ZDHHC13: variants seen among roughly 807,000 people sequenced by gnomAD.
The protein encoded by ZDHHC13 is palmitoyltransferase ZDHHC13.
ZDHHC13 carries 85 observed loss-of-function variants against 86.0 expected under a neutral mutation model. That is an observed-to-expected ratio of 0.99 (90% CI 0.83 to 1.18). The LOEUF (loss-of-function observed/expected upper bound fraction) is 1.18. ZDHHC13 is among the 50% of genes most tolerant of loss of function. ZDHHC13 has a pLI of 0.00. For missense variants in ZDHHC13, 711 were observed against 730.2 expected, an observed-to-expected ratio of 0.97 and a Z score of 0.30; for synonymous variants, 263 against 246.4, an observed-to-expected ratio of 1.07 and a Z score of -0.63.
intron 1 of ZDHHC13, among the ~76,000 whole-genome samples, chr11:19,137,303 A>T (rs1404332494): frequency 1.3e-5 from 2 of 152,130 alleles, no homozygotes; most frequent in African/African-American, 4.8e-5. Flanking sequence ...ACCAACAAAG[A>T]TCAAAAGAGA....
At chr11:19,122,994 AAAGTT>A (rs1848788859) in intron 1 of ZDHHC13, among the ~76,000 whole-genome samples, 2 of 152,176 alleles carry the variant, frequency 1.3e-5, no homozygotes, top group African/African-American at 4.8e-5. Flanking sequence ...CTAGTTTCTT[AAAGTT>A]GCCATTTAAT....
chr11:19,118,805 C>A (rs11025025), intron 1 of ZDHHC13: 96,124 of 152,116 alleles, frequency 0.63, 31,648 homozygotes, highest in Admixed American at 0.75. Flanking sequence ...CTATAATCCT[C>A]TGAGGTGGGG....
At chr11:19,172,575 C>T in intron 15 of ZDHHC13, 148 bp from the exon 16 acceptor site, 1 of 534,026 alleles carries the variant, frequency 1.9e-6, no homozygotes, top group Non-Finnish European at 3.2e-6. Context: ...TTCTTTACTT[C>T]TGATTAACTT....
intron 10 of ZDHHC13, among the ~76,000 whole-genome samples, chr11:19,159,939 T>TGTA (rs1274725409): frequency 6.6e-6 from 1 of 151,962 alleles, no homozygotes; most frequent in Non-Finnish European, 1.5e-5. Context: ...GCTTTGCTTA[T>TGTA]GGAGTAGGAG....
At position 19,143,074 on chromosome 11, in the gene ZDHHC13, C is replaced by T. The variant is rs1016166455; in HGVS notation, c.124C>T (p.Leu42Phe). ...AGAACTTGCCAATGCAAGAGAAGCT[C>T]TTCCTCTTATAGAGGACTCTAGTAA... ...NKELANAREA[L>F]PLIEDSSNCD... Residue 42 changes from leucine to phenylalanine, a missense_variant, in exon 2 of 17, where the codon CTT becomes TTT. By Grantham distance (22) the Leu-to-Phe change is conservative (BLOSUM62 0). Coordinates refer to ENST00000446113, the MANE Select transcript of ZDHHC13 (RefSeq NM_019028.3). 6.2e-7 allele frequency: 1 copy of T among 1,613,292 alleles called. No individual in the cohort carries two copies. The highest frequency in any genetic ancestry group is 1.3e-5 in the African/African-American group (1 of 74,924).
chr11:19,133,237 G>C (rs1315963715), intron 1 of ZDHHC13, among the ~76,000 whole-genome samples: 1 of 152,102 alleles, frequency 6.6e-6, no homozygotes, highest in Non-Finnish European at 1.5e-5. Flanking sequence ...AGCAACAGAA[G>C]CACTCATACC....
At position 19,153,689 on chromosome 11, in the gene ZDHHC13, T is replaced by G. The variant is rs538039034; in HGVS notation, c.873+1005T>G. Reference sequence around the variant, plus strand: ...CATCTATATGTTGATAACTCCCATATTTGTCTCTCTAGTCTAGACCTTTCC... The same window carrying G: ...CATCTATATGTTGATAACTCCCATAGTTGTCTCTCTAGTCTAGACCTTTCC... On this transcript the variant is annotated intron_variant, in intron 8 of 16. Transcript: ENST00000446113. Among the ~76,000 whole-genome samples, 21 of 152,274 alleles carry G rather than the reference T, an allele frequency of 1.4e-4. No homozygotes were observed. The East Asian group carries it at 2.9e-3, about 21-fold the overall frequency.
intron 14 of ZDHHC13, chr11:19,168,729 T>C (rs1850139802): frequency 1.2e-6 from 1 of 865,300 alleles, no homozygotes; most frequent in Admixed American, 6.2e-5. Context: ...TTACCATTAA[T>C]GCTGTATTAC....
chr11:19,176,159 C>A lies in ZDHHC13; in HGVS notation c.*199C>A. Reference sequence around the variant, plus strand: ...AGAAAGATGGACTTTTCTGATAAATCTTGGCAGACATCTAAAAAAAAAACC... The same window carrying A: ...AGAAAGATGGACTTTTCTGATAAATATTGGCAGACATCTAAAAAAAAAACC... On this transcript the variant is annotated 3_prime_UTR_variant, in exon 17 of 17. Coordinates refer to ENST00000446113, the MANE Select transcript of ZDHHC13 (RefSeq NM_019028.3). The A allele has an allele frequency of 2.3e-6, 1 of 432,366 alleles. No homozygotes were observed. Among genetic ancestry groups the A allele is most frequent in the Non-Finnish European group, 3.9e-6 (1 of 258,254 alleles). The allele number at this position is 432,366 out of a possible 1,614,324, so 26.8% of individuals were successfully genotyped here.
intron 2 of ZDHHC13, 110 bp from the exon 3 acceptor site, chr11:19,146,071 A>G (rs2133411831): frequency 9.0e-7 from 1 of 1,112,100 alleles, no homozygotes; most frequent in African/African-American, 1.6e-5. Context: ...ATATTTCTGT[A>G]TTGACTGAAA....
chr11:19,158,479 G>A (rs1461358409), intron 9 of ZDHHC13, among the ~76,000 whole-genome samples: 2 of 152,090 alleles, frequency 1.3e-5, no homozygotes, highest in African/African-American at 4.8e-5. Context: ...GCTTAAGGTT[G>A]TGTGCATCAG....
intron 3 of ZDHHC13, 67 bp downstream of exon 3, chr11:19,146,370 C>CTT: frequency 6.5e-7 from 1 of 1,544,144 alleles, no homozygotes; most frequent in Non-Finnish European, 8.7e-7. Flanking sequence ...TTATCTTTTT[C>CTT]TTTAAGTATG....
chr11:19,126,780 A>C (rs528559791), intron 1 of ZDHHC13, among the ~76,000 whole-genome samples: 1 of 152,208 alleles, frequency 6.6e-6, no homozygotes, highest in African/African-American at 2.4e-5. Context: ...TTCCTGCAAA[A>C]GACATGATCT....
chr11:19,158,996 C>T lies in ZDHHC13; in HGVS notation c.1064C>T (p.Ser355Phe). 6.5e-7 allele frequency: 1 copy of T among 1,549,324 alleles called. No homozygotes were observed. The highest frequency in any genetic ancestry group is 8.7e-7 in the Non-Finnish European group (1 of 1,145,974). The change falls in exon 10 of 17, where the codon TCT becomes TTT. Residue 355 changes from serine (S) to phenylalanine (F), a missense_variant. Physicochemically the swap from Ser to Phe is radical, Grantham distance 155 (BLOSUM62 -2). Coordinates refer to ENST00000446113, the MANE Select transcript of ZDHHC13 (RefSeq NM_019028.3). ...TTACCAACAGCCTTTCTGCTAAGTT[C>T]TGTTTTTTGGATATTTATGACTTGG... is the stretch of plus-strand genomic sequence containing the variant. ...VYLPTAFLLS[S>F]VFWIFMTWFI...
intron 8 of ZDHHC13, among the ~76,000 whole-genome samples, chr11:19,155,048 A>T (rs1410702033): frequency 6.6e-6 from 1 of 152,102 alleles, no homozygotes; most frequent in Non-Finnish European, 1.5e-5. Context: ...TTTTCTGCAG[A>T]CCTATTGCAT....
At chr11:19,140,767 G>A (rs1205031292) in intron 1 of ZDHHC13, among the ~76,000 whole-genome samples, 1 of 152,048 alleles carries the variant, frequency 6.6e-6, no homozygotes, top group Admixed American at 6.6e-5. Context: ...TCCTTTGTGG[G>A]GACATGGATG....
At chr11:19,128,395 C>T (rs973949603) in intron 1 of ZDHHC13, among the ~76,000 whole-genome samples, 1 of 152,150 alleles carries the variant, frequency 6.6e-6, no homozygotes, top group Non-Finnish European at 1.5e-5. Context: ...TATCTGCAAA[C>T]AGCGATAGTT....
intron 11 of ZDHHC13, 157 bp from the exon 12 acceptor site, chr11:19,164,144 C>A (rs1001272349): frequency 3.0e-6 from 2 of 664,408 alleles, no homozygotes; most frequent in Non-Finnish European, 4.8e-6. Context: ...CTTGAAGAGT[C>A]ACATCATTTC....
At chr11:19,137,710 T>C (rs530836449) in intron 1 of ZDHHC13, among the ~76,000 whole-genome samples, 68 of 152,272 alleles carry the variant, frequency 4.5e-4, no homozygotes, top group African/African-American at 1.5e-3. Context: ...TAACAAAGTA[T>C]CTCTCAGACC....
Sources: allele counts gnomAD v4.1 joint callset (sites outside exome capture counted in the v4.1 genomes callset), GRCh38; gene constraint gnomAD v4.1.1; transcripts MANE v1.5; gene names NCBI Gene and HGNC (gene_info 2026-07-23, HGNC 2026-07-21).